Variants in PLPP4 observed in about 807,000 individuals in gnomAD.
The protein encoded by PLPP4 is diacylglycerol pyrophosphate like 2.
PLPP4 carries 20 observed loss-of-function variants against 32.2 expected under a neutral mutation model. That is an observed-to-expected ratio of 0.62 (90% CI 0.44 to 0.90). The LOEUF (loss-of-function observed/expected upper bound fraction) is 0.90. PLPP4 is among the 40% of genes least tolerant of loss of function. PLPP4 has a pLI of 0.00. For synonymous variants in PLPP4, 127 were observed against 133.0 expected (o/e 0.95, Z 0.31); for missense variants, 257 against 353.1 (o/e 0.73, Z 2.18).
At chr10:120,459,966 A>G (rs11812291) in intron 1 of PLPP4, among the ~76,000 whole-genome samples, 8,173 of 152,166 alleles carry the variant, frequency 0.054, 747 homozygotes, top group African/African-American at 0.19. Context: ...TTCTGTTTCT[A>G]GACTAGGCAC....
At chr10:120,457,215 G>T (rs1407423200), upstream of PLPP4, 13 of 1,030,322 alleles carry the variant, frequency 1.3e-5, no homozygotes, top group Non-Finnish European at 1.5e-5. Flanking sequence ...CGCCTCCCTC[G>T]CCTCCCAGGG....
Position 120,581,012 on chromosome 10 carries a change from G to T in PLPP4, c.616+5711G>T, listed in dbSNP as rs182259705. 2.3e-6 allele frequency: 3 copies of T among 1,289,330 alleles called. No homozygotes were observed. The East Asian group carries it at 1.7e-4, about 72-fold the overall frequency. 79.9% of individuals were successfully genotyped at this position (1,289,330 alleles called of 1,614,324 possible). A position where few individuals can be genotyped will look rare whatever the true frequency, so the allele number is the denominator to read the frequency against. On this transcript the variant is annotated intron_variant, in intron 6 of 6. Coordinates refer to ENST00000398250, the MANE Select transcript of PLPP4 (RefSeq NM_001030059.3). Reference sequence around the variant, plus strand: ...CCCATCTAAGTCCACCCGCCTCTGTGTTGGTGCCTAGGAGAGCGTAAGAAG... The same window carrying T: ...CCCATCTAAGTCCACCCGCCTCTGTTTTGGTGCCTAGGAGAGCGTAAGAAG...
At chr10:120,579,489 T>C (rs1305976443) in intron 6 of PLPP4, among the ~76,000 whole-genome samples, 1 of 152,132 alleles carries the variant, frequency 6.6e-6, no homozygotes, top group East Asian at 1.9e-4. Context: ...GAACTAAATA[T>C]AGTTACCAAG....
At chr10:120,529,689 AT>A (rs1270958270) in intron 5 of PLPP4, among the ~76,000 whole-genome samples, 6 of 152,144 alleles carry the variant, frequency 3.9e-5, no homozygotes, top group Non-Finnish European at 8.8e-5. Context: ...TCTAGAAAAT[AT>A]TTTTTTGGTA....
intron 5 of PLPP4, among the ~76,000 whole-genome samples, chr10:120,528,376 C>G (rs1266626896): frequency 6.6e-6 from 1 of 152,152 alleles, no homozygotes. Context: ...GCCCGGCCGC[C>G]ACTCTCCTTT....
chr10:120,468,851 G>C (rs1217410296), intron 1 of PLPP4, among the ~76,000 whole-genome samples: 2 of 64,880 alleles, frequency 3.1e-5, no homozygotes, highest in African/African-American at 6.6e-5. Context: ...CTGCTCAGGT[G>C]GAATAGTAAA....
At chr10:120,521,167 T>C (rs980726805) in intron 5 of PLPP4, 72 bp downstream of exon 5, 81 of 1,572,064 alleles carry the variant, frequency 5.2e-5, no homozygotes, top group Non-Finnish European at 6.3e-5. Flanking sequence ...GGAATTTAGG[T>C]GCAGAGAAAA....
chr10:120,540,132 T>A (rs1847270611), intron 5 of PLPP4, among the ~76,000 whole-genome samples: 1 of 152,146 alleles, frequency 6.6e-6, no homozygotes, highest in African/African-American at 2.4e-5. Flanking sequence ...ATCAAAACTA[T>A]TTTCTTCCAA....
chr10:120,580,379 A>G (rs1174038151), intron 6 of PLPP4, among the ~76,000 whole-genome samples: 1 of 152,058 alleles, frequency 6.6e-6, no homozygotes, highest in African/African-American at 2.4e-5. Context: ...TCATGGTGCT[A>G]GTGAGAGTGT....
chr10:120,556,328 A>G (rs1180841041), intron 5 of PLPP4, among the ~76,000 whole-genome samples: 2 of 152,180 alleles, frequency 1.3e-5, no homozygotes, highest in Admixed American at 6.5e-5. Context: ...CAGGTGGCTT[A>G]CATTGTTCTT....
intron 2 of PLPP4, among the ~76,000 whole-genome samples, chr10:120,512,088 C>T (rs1277975050): frequency 3.3e-5 from 5 of 151,358 alleles, no homozygotes; most frequent in South Asian, 2.1e-4. Context: ...AGTGAGACTC[C>T]GTCTCAAAAA....
At chr10:120,584,458 G>A (rs574769335) in intron 6 of PLPP4, among the ~76,000 whole-genome samples, 6 of 152,318 alleles carry the variant, frequency 3.9e-5, no homozygotes, top group Admixed American at 2.0e-4. Flanking sequence ...CATCATGCCC[G>A]ACCCCTGATA....
At chr10:120,466,592 T>C (rs1027818718) in intron 1 of PLPP4, among the ~76,000 whole-genome samples, 32 of 152,180 alleles carry the variant, frequency 2.1e-4, no homozygotes, top group African/African-American at 7.5e-4. Context: ...TCTGGGCAGC[T>C]GTATAATTAT....
At chr10:120,510,303 C>T (rs1288753831) in intron 2 of PLPP4, among the ~76,000 whole-genome samples, 1 of 152,176 alleles carries the variant, frequency 6.6e-6, no homozygotes, top group African/African-American at 2.4e-5. Flanking sequence ...TTTGTTTTCT[C>T]TCAGGTCTCA....
In PLPP4 at chr10:120,560,343, AAG is replaced by A. The variant is rs768035218; in HGVS notation, c.446-14786_446-14785del. ...AAGGACCATTGCAAAAAAAAAAAAAAAGAAAGAAAAAAATCATTTGTGAAGCT... is the reference window on the plus strand; with the variant it reads ...AAGGACCATTGCAAAAAAAAAAAAAAAAAGAAAAAAATCATTTGTGAAGCT... On this transcript the variant is annotated intron_variant, in intron 5 of 6. Transcript: ENST00000398250. Among the ~76,000 whole-genome samples the A allele has an allele frequency of 6.2e-5, 6 of 96,780 alleles. No individual in the cohort carries two copies. The South Asian group carries it at 8.9e-4, about 14-fold the overall frequency. 63.5% of individuals were successfully genotyped at this position (96,780 alleles called of 152,430 possible). A position where few individuals can be genotyped will look rare whatever the true frequency, so the allele number is the denominator to read the frequency against.
chr10:120,563,782 G>C (rs1056443486), intron 5 of PLPP4, among the ~76,000 whole-genome samples: 3 of 90,860 alleles, frequency 3.3e-5, no homozygotes, highest in African/African-American at 1.1e-4. Context: ...AGTCCGGCCT[G>C]GGCGACAGAG....
intron 6 of PLPP4, among the ~76,000 whole-genome samples, chr10:120,579,011 A>G (rs1043820290): frequency 6.6e-6 from 1 of 152,220 alleles, no homozygotes; most frequent in Admixed American, 6.5e-5. Flanking sequence ...GCATGTCATT[A>G]AACTGACTCC....
At chr10:120,508,394 G>T (rs17100287) in intron 2 of PLPP4, among the ~76,000 whole-genome samples, 78 of 152,192 alleles carry the variant, frequency 5.1e-4, no homozygotes, top group Non-Finnish European at 2.1e-4. Flanking sequence ...AGAAATGAAG[G>T]CACTTTGGGC....
At chr10:120,556,209 G>C (rs1410754223) in intron 5 of PLPP4, among the ~76,000 whole-genome samples, 1 of 152,178 alleles carries the variant, frequency 6.6e-6, no homozygotes, top group African/African-American at 2.4e-5. Context: ...TGCTGTTCAC[G>C]TGTTGCAAAG....
Sources: allele counts gnomAD v4.1 joint callset (sites outside exome capture counted in the v4.1 genomes callset), GRCh38; gene constraint gnomAD v4.1.1; transcripts MANE v1.5; gene names NCBI Gene and HGNC (gene_info 2026-07-23, HGNC 2026-07-21).